LCORL: variants seen among roughly 807,000 people sequenced by gnomAD.
The protein encoded by LCORL is ligand-dependent nuclear receptor corepressor-like protein.
A neutral mutation model predicts 141.8 loss-of-function variants in LCORL; 41 were observed. That is an observed-to-expected ratio of 0.29 (90% confidence interval 0.23 to 0.38). LCORL has a LOEUF of 0.38. LCORL is among the 10% of genes least tolerant of loss of function. The pLI is 1.00. For synonymous variants in LCORL, 618 were observed against 694.1 expected, an observed-to-expected ratio of 0.89 and a Z score of 1.72; for missense variants, 1,759 against 2,035.0, an observed-to-expected ratio of 0.86 and a Z score of 2.61.
At chr4:17,982,545 A>G (rs1317455373) in intron 1 of LCORL, among the ~76,000 whole-genome samples, 2 of 152,072 alleles carry the variant, frequency 1.3e-5, no homozygotes, top group Non-Finnish European at 2.9e-5. Context: ...GCTTGTTTTC[A>G]TATACTTGTT....
chr4:17,935,807 C>CT (rs1408030742), intron 4 of LCORL, among the ~76,000 whole-genome samples: 2 of 152,112 alleles, frequency 1.3e-5, no homozygotes, highest in African/African-American at 4.8e-5. Flanking sequence ...TGCAAACAGA[C>CT]TGACACAATC....
intron 5 of LCORL, among the ~76,000 whole-genome samples, chr4:17,895,608 AG>A (rs918038219): frequency 7.2e-5 from 11 of 152,188 alleles, no homozygotes; most frequent in Non-Finnish European, 1.6e-4. Context: ...ACAATTCAGC[AG>A]TTTTCTCTGT....
chr4:17,942,631 A>G (rs1216822953), intron 4 of LCORL, among the ~76,000 whole-genome samples: 1 of 152,242 alleles, frequency 6.6e-6, no homozygotes, highest in Admixed American at 6.5e-5. Flanking sequence ...GTTACTAAAA[A>G]TCAATTATCA....
intron 4 of LCORL, among the ~76,000 whole-genome samples, chr4:17,914,601 TAGTC>T (rs1343892524): frequency 1.3e-5 from 2 of 152,194 alleles, no homozygotes; most frequent in African/African-American, 4.8e-5. Context: ...GCTGACTGGT[TAGTC>T]AGCCTCTTAA....
At position 17,938,226 on chromosome 4, in the gene LCORL, C is replaced by T. The variant is rs57038687; in HGVS notation, c.430+23677G>A. On this transcript the variant is annotated intron_variant, in intron 4 of 7. Coordinates refer to ENST00000635767, the Ensembl canonical transcript of LCORL. ...TTCTCCATGTTGGTCAGGCTGGTCT[C>T]GAACTCCCAACCTCAGGTGATCCTC... Among the ~76,000 whole-genome samples the T allele has an allele frequency of 3.2e-3, 488 of 151,360 alleles. 4 individuals are homozygous for T. The highest frequency in any genetic ancestry group is 0.011 in the African/African-American group (445 of 41,288).
At chr4:17,949,103 C>T (rs1739334513) in intron 4 of LCORL, among the ~76,000 whole-genome samples, 1 of 152,006 alleles carries the variant, frequency 6.6e-6, no homozygotes, top group African/African-American at 2.4e-5. Flanking sequence ...GTAGAGAGTA[C>T]CATCATAAAA....
chr4:17,946,633 A>T (rs1016199224), intron 4 of LCORL, among the ~76,000 whole-genome samples: 3 of 151,984 alleles, frequency 2.0e-5, no homozygotes, highest in Non-Finnish European at 4.4e-5. Context: ...GAAGATAATG[A>T]CAAAATAGTA....
intron 1 of LCORL, among the ~76,000 whole-genome samples, chr4:17,974,080 TCAGA>T (rs1306365164): frequency 6.6e-6 from 1 of 152,060 alleles, no homozygotes; most frequent in Non-Finnish European, 1.5e-5. Context: ...GGGTAGAGAC[TCAGA>T]CAGATTAAGC....
In LCORL at chr4:17,897,213, C is replaced by CCTTTTTTTTTTTTTTTTTTTTTTTT. The variant is rs1553863446; in HGVS notation, c.683-11053_683-11052insAAAAAAAAAAAAAAAAAAAAAAAAG. 9.4e-4 allele frequency among the ~76,000 whole-genome samples: 60 copies of CCTTTTTTTTTTTTTTTTTTTTTTTT among 63,986 alleles called. 30 individuals carry two copies. The highest frequency in any genetic ancestry group is 1.2e-3 in the South Asian group (2 of 1,712). 42.0% of individuals were successfully genotyped at this position (63,986 alleles called of 152,430 possible). On this transcript the variant is annotated intron_variant, in intron 5 of 7. Transcript: ENST00000635767. ...AGACTTCTCTTTGATATACTGATTTCTTTTTTTTTTTTTTTTTTTTTTTTT... is the reference window on the plus strand; with the variant it reads ...AGACTTCTCTTTGATATACTGATTTCCTTTTTTTTTTTTTTTTTTTTTTTTTTTTTTTTTTTTTTTTTTTTTTTTT...
At position 17,937,182 on chromosome 4, in the gene LCORL, T is replaced by C. The variant is rs150020892; in HGVS notation, c.430+24721A>G. Among the ~76,000 whole-genome samples, 854 of 152,296 alleles carry C rather than the reference T, an allele frequency of 5.6e-3. 6 individuals are homozygous for C. The highest frequency in any genetic ancestry group is 0.02 in the African/African-American group (820 of 41,564). ...ATAACACTGCTCTGGGTTAACATTTTAGTCATTTCCAAGTTTTCTGAAAAA... is the reference window on the plus strand; with the variant it reads ...ATAACACTGCTCTGGGTTAACATTTCAGTCATTTCCAAGTTTTCTGAAAAA... On this transcript the variant is annotated intron_variant, in intron 4 of 7. Transcript: ENST00000635767.
At chr4:17,970,647 T>C (rs1286157630) in intron 2 of LCORL, among the ~76,000 whole-genome samples, 1 of 152,188 alleles carries the variant, frequency 6.6e-6, no homozygotes, top group Non-Finnish European at 1.5e-5. Context: ...GACCAGTTGC[T>C]ACGAATACAA....
At chr4:17,876,498 G>C (rs763143243) in exon 7 of LCORL, 18 of 1,230,664 alleles carry the variant, frequency 1.5e-5, no homozygotes, top group Non-Finnish European at 1.7e-5. Flanking sequence ...TTGTAAATTA[G>C]AATTCATTGC....
chr4:17,986,254 G>A (rs1003847013), intron 1 of LCORL, among the ~76,000 whole-genome samples: 1 of 152,136 alleles, frequency 6.6e-6, no homozygotes, highest in Non-Finnish European at 1.5e-5. Context: ...ATCTTGCACA[G>A]AATCTTTCAG....
chr4:17,878,893 T>C (rs1476892031), intron 6 of LCORL, among the ~76,000 whole-genome samples: 1 of 151,322 alleles, frequency 6.6e-6, no homozygotes, highest in African/African-American at 2.4e-5. Flanking sequence ...CAGAAACTAA[T>C]ATACATCTAA....
intron 4 of LCORL, among the ~76,000 whole-genome samples, chr4:17,945,947 A>T (rs1252310186): frequency 2.0e-5 from 3 of 152,042 alleles, no homozygotes; most frequent in South Asian, 4.1e-4. Context: ...AAACTTAATG[A>T]GACAAAATTT....
chr4:17,849,954 C>A (rs1449510352), intron 7 of LCORL, among the ~76,000 whole-genome samples: 2 of 151,586 alleles, frequency 1.3e-5, no homozygotes, highest in Non-Finnish European at 2.9e-5. Flanking sequence ...TGGAACAGAA[C>A]AGAGCCCTCA....
chr4:17,854,706 A>G (rs1333016633), intron 7 of LCORL, among the ~76,000 whole-genome samples: 5 of 152,158 alleles, frequency 3.3e-5, no homozygotes, highest in African/African-American at 9.7e-5. Context: ...AAAACAAAAA[A>G]CTTAGTTTTT....
At chr4:17,926,947 T>TC (rs1223464056) in intron 4 of LCORL, among the ~76,000 whole-genome samples, 2 of 152,200 alleles carry the variant, frequency 1.3e-5, no homozygotes, top group African/African-American at 4.8e-5. Flanking sequence ...AGTAAGCCTG[T>TC]CCTTTGAAGC....
At chr4:17,861,475 A>G (rs1725008140) in intron 7 of LCORL, among the ~76,000 whole-genome samples, 1 of 152,174 alleles carries the variant, frequency 6.6e-6, no homozygotes, top group South Asian at 2.1e-4. Context: ...GGCCTGGCTC[A>G]TGAAATCACT....
Sources: gnomAD v4.1 joint callset for allele counts (sites outside exome capture counted in the v4.1 genomes callset) on GRCh38, gnomAD v4.1.1 for gene constraint, MANE v1.5 for transcripts, NCBI Gene and HGNC (gene_info 2026-07-23, HGNC 2026-07-21) for gene names.